NUP98: variants seen among roughly 807,000 people sequenced by gnomAD.
The protein encoded by NUP98 is nucleoporin 98 and 96 precursor, also known as nuclear pore complex protein Nup98-Nup96.
In NUP98, 26 loss-of-function variants were observed where a neutral mutation model predicts 191.9. The observed-to-expected ratio is 0.14, with a 90% CI of 0.10 to 0.19. NUP98 has a LOEUF of 0.19. NUP98 is among the 10% of genes least tolerant of loss of function. The pLI, the probability that NUP98 is intolerant of heterozygous loss-of-function variation, is 1.00. For missense variants in NUP98, 1,941 were observed against 2,178.8 expected, an observed-to-expected ratio of 0.89 and a Z score of 2.17; for synonymous variants, 808 against 778.4, an observed-to-expected ratio of 1.04 and a Z score of -0.63.
intron 20 of NUP98, chr11:3,711,938 G>C: frequency 1.1e-5 from 11 of 1,041,976 alleles, no homozygotes; most frequent in Non-Finnish European, 1.3e-5. Context: ...CAGCAGCTGA[G>C]AGGTAGAGGA....
At chr11:3,782,581 T>C (rs1423676790) in intron 1 of NUP98, among the ~76,000 whole-genome samples, 1 of 150,674 alleles carries the variant, frequency 6.6e-6, no homozygotes, top group Non-Finnish European at 1.5e-5. Flanking sequence ...TTTTTTTTTT[T>C]TTTTTTTTTT....
chr11:3,709,130 G>A (rs2078955286), intron 20 of NUP98, among the ~76,000 whole-genome samples: 1 of 152,194 alleles, frequency 6.6e-6, no homozygotes, highest in East Asian at 1.9e-4. Context: ...CAGAGTGAAT[G>A]ACAAGTCCAA....
rs1436079389 is a variant in NUP98, at chr11:3,731,082, T to C, written c.1730+309A>G. On this transcript the variant is annotated intron_variant, in intron 14 of 32. Coordinates refer to ENST00000324932, the MANE Select transcript of NUP98 (RefSeq NM_016320.5). ...GGGTTCAAGACCAGCCTGGCCAACA[T>C]TGTGAAACCCCATTTCTACTAAAAA... Among the ~76,000 whole-genome samples, 3 of 152,140 alleles carry C rather than the reference T, an allele frequency of 2.0e-5. No individual in the cohort carries two copies. In the East Asian group the frequency reaches 5.8e-4, roughly 29 times the overall value.
chr11:3,676,653 G>A lies in NUP98; in HGVS notation c.5074-33C>T, dbSNP rs199884207. 4.6e-6 allele frequency: 7 copies of A among 1,519,782 alleles called. No individual in the cohort carries two copies. In the East Asian group the frequency reaches 9.0e-5, roughly 20 times the overall value. The allele number at this position is 1,519,782 out of a possible 1,614,324, so 94.1% of individuals were successfully genotyped here. ...GAAGCAGAGAAGCCAATTAATCCAAGGGGAGTTCCTATCACTCCAATCCCA... is the reference window on the plus strand; with the variant it reads ...GAAGCAGAGAAGCCAATTAATCCAAAGGGAGTTCCTATCACTCCAATCCCA... On this transcript the variant is annotated intron_variant, in intron 31 of 32. Transcript: ENST00000324932.
At chr11:3,755,686 C>T (rs990523644) in intron 10 of NUP98, among the ~76,000 whole-genome samples, 2 of 151,790 alleles carry the variant, frequency 1.3e-5, no homozygotes, top group Non-Finnish European at 2.9e-5. Context: ...GCAAGCAGGC[C>T]GGGCGCAGTG....
chr11:3,738,792 A>AG (rs1173886747), intron 12 of NUP98, among the ~76,000 whole-genome samples: 1 of 150,780 alleles, frequency 6.6e-6, no homozygotes, highest in Admixed American at 6.6e-5. Context: ...AAAAAAAAAA[A>AG]AAAAAAGGAA....
At position 3,706,571 on chromosome 11, in the gene NUP98, C is replaced by G; in HGVS notation, c.2799G>C (p.Met933Ile). Residue 933 changes from methionine to isoleucine, a missense_variant, in exon 21 of 33, where the codon ATG becomes ATC. Met to Ile is a conservative substitution (Grantham distance 10). Transcript: ENST00000324932. Reference sequence around the variant, plus strand: ...AAACTGGCTCCTGGGTGATATCTACCATGTCACTGTCCAGTTCCACAACCC... The same window carrying G: ...AAACTGGCTCCTGGGTGATATCTACGATGTCACTGTCCAGTTCCACAACCC... Reference protein sequence around the residue: ...LGRVVELDSDMVDITQEPVLD... With the variant: ...LGRVVELDSDIVDITQEPVLD... The G allele has an allele frequency of 6.2e-7, 1 of 1,614,110 alleles. No homozygotes were observed.
At position 3,700,965 on chromosome 11, in the gene NUP98, T is replaced by G. The variant is rs957907002; in HGVS notation, c.3513-126A>C. On this transcript the variant is annotated intron_variant, in intron 23 of 32. Coordinates refer to ENST00000324932, the MANE Select transcript of NUP98 (RefSeq NM_016320.5). ...GAATGCAAACATTTCACTGTAGTTT[T>G]AAAGAAATTTTGTTTCTTAAACTAT... is the stretch of plus-strand genomic sequence containing the variant. 3 of 701,084 alleles carry G rather than the reference T, an allele frequency of 4.3e-6. No homozygotes were observed. The African/African-American group carries it at 5.4e-5, about 13-fold the overall frequency. 43.4% of individuals were successfully genotyped at this position (701,084 alleles called of 1,614,324 possible).
intron 30 of NUP98, 95 bp downstream of exon 30, chr11:3,683,105 A>AC (rs2078026728): frequency 6.5e-7 from 1 of 1,537,602 alleles, no homozygotes; most frequent in Admixed American, 1.9e-5. Context: ...GCCATGTCCT[A>AC]CGTTGAGTCT....
At chr11:3,795,730 G>A (rs2082507504) in intron 1 of NUP98, among the ~76,000 whole-genome samples, 2 of 152,124 alleles carry the variant, frequency 1.3e-5, no homozygotes, top group African/African-American at 4.8e-5. Context: ...TATCAAATAA[G>A]TGTTATGGAA....
intron 13 of NUP98, 89 bp downstream of exon 13, chr11:3,735,102 C>A: frequency 1.6e-6 from 2 of 1,254,418 alleles, no homozygotes; most frequent in Non-Finnish European, 1.1e-6. Flanking sequence ...TGCTTAATCC[C>A]TTAATATATA....
chr11:3,761,946 AAACAACAACAAC>A (rs530717846), intron 9 of NUP98, among the ~76,000 whole-genome samples: 1 of 151,688 alleles, frequency 6.6e-6, no homozygotes, highest in Non-Finnish European at 1.5e-5. Context: ...TCGGTTTCAA[AAACAACAACAAC>A]AACAACAACA....
chr11:3,722,774 C>A (rs555095100), intron 16 of NUP98, among the ~76,000 whole-genome samples: 1 of 152,256 alleles, frequency 6.6e-6, no homozygotes, highest in East Asian at 1.9e-4. Context: ...GACTGCGACA[C>A]TGCACTCCAG....
chr11:3,770,486 CAAGAAAAGAA>C (rs147201630), intron 7 of NUP98, among the ~76,000 whole-genome samples: 27 of 150,350 alleles, frequency 1.8e-4, no homozygotes, highest in African/African-American at 5.4e-4. Flanking sequence ...AACCCTGTCT[CAAGAAAAGAA>C]AAGAAAAGAA....
intron 16 of NUP98, among the ~76,000 whole-genome samples, chr11:3,721,705 G>A (rs1018695014): frequency 4.0e-5 from 6 of 151,826 alleles, no homozygotes; most frequent in Non-Finnish European, 7.4e-5. Flanking sequence ...GGAAGGAAGG[G>A]AGGGAGGGAG....
rs996269373 is a variant in NUP98 at position 3,726,629 on chromosome 11, A to G, written c.1731-1410T>C. The stretch of plus-strand genomic sequence containing the variant: ...ACATATTACAAAAATATAACATCAA[A>G]AGTCACTCAAAATATAAAATAAAAA... On this transcript the variant is annotated intron_variant, in intron 14 of 32. Coordinates refer to ENST00000324932, the MANE Select transcript of NUP98 (RefSeq NM_016320.5). 2.0e-4 allele frequency among the ~76,000 whole-genome samples: 30 copies of G among 152,170 alleles called. 1 individual carries two copies. The highest frequency in any genetic ancestry group is 3.8e-4 in the Non-Finnish European group (26 of 68,000).
At chr11:3,735,354 A>C in intron 12 of NUP98, 30 bp from the exon 13 acceptor site, 1 of 1,125,784 alleles carries the variant, frequency 8.9e-7, no homozygotes, top group African/African-American at 1.6e-5. Flanking sequence ...AAAACAAAAT[A>C]TATATATATA....
intron 10 of NUP98, among the ~76,000 whole-genome samples, chr11:3,754,351 G>A (rs1024738413): frequency 6.6e-6 from 1 of 151,980 alleles, no homozygotes; most frequent in Non-Finnish European, 1.5e-5. Flanking sequence ...ACTTGAACCC[G>A]GGAGACGGGG....
intron 12 of NUP98, among the ~76,000 whole-genome samples, chr11:3,742,928 C>T (rs2080337862): frequency 6.6e-6 from 1 of 152,120 alleles, no homozygotes; most frequent in Non-Finnish European, 1.5e-5. Context: ...AAAGATCTGA[C>T]TATTCATTCT....
Sources: allele counts gnomAD v4.1 joint callset (sites outside exome capture counted in the v4.1 genomes callset), GRCh38; gene constraint gnomAD v4.1.1; transcripts MANE v1.5; gene names NCBI Gene and HGNC (gene_info 2026-07-23, HGNC 2026-07-21).